Variants in ELAVL1 observed in about 807,000 individuals in gnomAD.
The protein encoded by ELAVL1 is ELAV-like protein 1.
Under a neutral mutation model 28.4 loss-of-function variants are expected in ELAVL1, and 1 was observed. The ratio of observed to expected loss-of-function variants is 0.04; its 90% CI spans 0.01 to 0.17. The LOEUF is 0.17. Ranked by LOEUF, ELAVL1 falls within the 10% of genes least tolerant of loss-of-function variation. The probability of loss-of-function intolerance (pLI) is 1.00; values close to 1 mark genes in which losing one functional copy is unlikely to be tolerated. For missense variants in ELAVL1, 157 were observed against 447.2 expected (o/e 0.35, Z 5.85); for synonymous variants, 174 against 183.5 (o/e 0.95, Z 0.42).
At chr19:7,971,845 A>G (rs1985121198) in intron 4 of ELAVL1, among the ~76,000 whole-genome samples, 1 of 152,170 alleles carries the variant, frequency 6.6e-6, no homozygotes, top group Non-Finnish European at 1.5e-5. Flanking sequence ...GGAAAGGAGG[A>G]GGAAGAGAGA....
In ELAVL1 at chr19:7,958,730, C is replaced by G. The variant is rs1010015610; in HGVS notation, c.*4753G>C. 6.6e-6 allele frequency: 1 copy of G among 152,468 alleles called. No homozygotes were observed. Among genetic ancestry groups the G allele is most frequent in the African/African-American group, 2.4e-5 (1 of 41,454 alleles). 9.4% of individuals were successfully genotyped at this position (152,468 alleles called of 1,614,324 possible). A position where few individuals can be genotyped will look rare whatever the true frequency, so the allele number is the denominator to read the frequency against. On this transcript the variant is annotated 3_prime_UTR_variant, in exon 6 of 6. Transcript: ENST00000407627. ...AAGCCACGCCCCAAACCGCATCACT[C>G]CGTACTTCAAAAATACGATTTTTTG...
intron 2 of ELAVL1, among the ~76,000 whole-genome samples, chr19:7,990,803 G>A (rs762685807): frequency 6.6e-6 from 1 of 152,182 alleles, no homozygotes; most frequent in Non-Finnish European, 1.5e-5. Flanking sequence ...GGGGTGGGTA[G>A]AGGGAAGAGG....
At chr19:7,970,560 C>T (rs1024967536) in intron 4 of ELAVL1, among the ~76,000 whole-genome samples, 3 of 152,158 alleles carry the variant, frequency 2.0e-5, no homozygotes, top group African/African-American at 4.8e-5. Flanking sequence ...GGATTACAGG[C>T]GTGAGCCACG....
At chr19:7,984,263 C>A (rs1292714377) in intron 2 of ELAVL1, among the ~76,000 whole-genome samples, 2 of 152,150 alleles carry the variant, frequency 1.3e-5, no homozygotes, top group African/African-American at 2.4e-5. Context: ...ACGGTCGCTG[C>A]CATCATGAAA....
At position 7,986,573 on chromosome 19, in the gene ELAVL1, C is replaced by T. The variant is rs74176262; in HGVS notation, c.172+5071G>A. Among the ~76,000 whole-genome samples the T allele has an allele frequency of 7.6e-3, 1,158 of 152,268 alleles. 9 individuals carry two copies. The highest frequency in any genetic ancestry group is 0.011 in the Non-Finnish European group (743 of 68,024). ...GGTGAACTAAGCGTCCCCTAGAGAG[C>T]GAGTTAGCGACAGGGACCAAGAGCC... On this transcript the variant is annotated intron_variant, in intron 2 of 5. Coordinates refer to ENST00000407627, the MANE Select transcript of ELAVL1 (RefSeq NM_001419.3).
intron 3 of ELAVL1, among the ~76,000 whole-genome samples, chr19:7,978,048 C>T (rs982519547): frequency 6.6e-6 from 1 of 152,240 alleles, no homozygotes; most frequent in Non-Finnish European, 1.5e-5. Context: ...ATTATAGGCT[C>T]CTAAGCCCAC....
chr19:7,996,785 A>AC (rs1568317223), intron 1 of ELAVL1, among the ~76,000 whole-genome samples: 1 of 151,954 alleles, frequency 6.6e-6, no homozygotes. Context: ...TGTACTCCAA[A>AC]CTGGGCGATA....
chr19:7,988,059 G>C (rs1985652360), intron 2 of ELAVL1, among the ~76,000 whole-genome samples: 1 of 152,190 alleles, frequency 6.6e-6, no homozygotes, highest in Non-Finnish European at 1.5e-5. Flanking sequence ...CAGGCCACCA[G>C]CAGTGGTGTC....
At chr19:8,005,095 G>A (rs892158916) in intron 1 of ELAVL1, among the ~76,000 whole-genome samples, 1 of 152,086 alleles carries the variant, frequency 6.6e-6, no homozygotes, top group Non-Finnish European at 1.5e-5. Context: ...GGGATTTCCC[G>A]GGGGAGCAAG....
intron 4 of ELAVL1, among the ~76,000 whole-genome samples, chr19:7,969,794 G>A (rs1036203694): frequency 1.3e-5 from 2 of 152,106 alleles, no homozygotes; most frequent in Non-Finnish European, 2.9e-5. Flanking sequence ...CTCGTCTGGG[G>A]TTGTAGAGTG....
rs1424573572 is a variant in ELAVL1, at chr19:7,982,384, C to CG, written c.173-1199dup. Among the ~76,000 whole-genome samples the CG allele has an allele frequency of 6.6e-6, 1 of 152,152 alleles. No homozygotes were observed. The highest frequency in any genetic ancestry group is 1.5e-5 in the Non-Finnish European group (1 of 68,030). On this transcript the variant is annotated intron_variant, in intron 2 of 5. Coordinates refer to ENST00000407627, the MANE Select transcript of ELAVL1 (RefSeq NM_001419.3). The surrounding 1 kb of genome is among the most constrained non-coding windows in gnomAD (Gnocchi z 4.3). ...CAGAGCGCGACAACGAGCAGGTCAC[C>CG]GAACAGGAGGTGGCCTGGAGCCCCA...
rs1985497943 is a variant in ELAVL1, at chr19:7,982,817, T to C, written c.173-1631A>G. On this transcript the variant is annotated intron_variant, in intron 2 of 5. Coordinates refer to ENST00000407627, the MANE Select transcript of ELAVL1 (RefSeq NM_001419.3). This position sits in a 1 kb window ranked among gnomAD's most constrained non-coding sequence, Gnocchi z 4.3. Reference sequence around the variant, plus strand: ...ATGACAGTTTCTTGTTTCTCGTGACTGTGACGGTTTTGAGGACTGGTCGGA... The same window carrying C: ...ATGACAGTTTCTTGTTTCTCGTGACCGTGACGGTTTTGAGGACTGGTCGGA... Among the ~76,000 whole-genome samples, 1 of 152,236 alleles carries C rather than the reference T, an allele frequency of 6.6e-6. No homozygotes were observed.
intron 1 of ELAVL1, among the ~76,000 whole-genome samples, chr19:7,999,748 A>G (rs569882897): frequency 2.7e-4 from 41 of 151,974 alleles, no homozygotes; most frequent in Non-Finnish European, 5.1e-4. Context: ...ACGTAGTCCT[A>G]CTAAGTCCTC....
chr19:7,975,146 C>T (rs1416280780), intron 3 of ELAVL1, among the ~76,000 whole-genome samples: 2 of 152,190 alleles, frequency 1.3e-5, no homozygotes, highest in Non-Finnish European at 2.9e-5. Flanking sequence ...TGATGTGGGT[C>T]AGGGGCTGCC....
intron 2 of ELAVL1, among the ~76,000 whole-genome samples, chr19:7,990,533 A>T (rs1054898669): frequency 6.7e-6 from 1 of 149,142 alleles, no homozygotes; most frequent in Admixed American, 6.7e-5. Flanking sequence ...CGCCCAGCTA[A>T]GTTTTTGTAT....
At chr19:7,972,654 T>A (rs1473415367) in intron 4 of ELAVL1, among the ~76,000 whole-genome samples, 1 of 151,696 alleles carries the variant, frequency 6.6e-6, no homozygotes, top group Non-Finnish European at 1.5e-5. Flanking sequence ...AGAAACAGGG[T>A]CTTGCTCTGT....
intron 1 of ELAVL1, among the ~76,000 whole-genome samples, chr19:8,000,487 G>C (rs549396960): frequency 6.6e-6 from 1 of 152,312 alleles, no homozygotes; most frequent in African/African-American, 2.4e-5. Flanking sequence ...ACTTGAGCCA[G>C]AGCAAAACTA....
intron 1 of ELAVL1, among the ~76,000 whole-genome samples, chr19:8,002,986 G>C (rs997259929): frequency 1.3e-5 from 2 of 152,196 alleles, no homozygotes; most frequent in Admixed American, 1.3e-4. Context: ...TTACAGAACA[G>C]AACTCCTGCT....
chr19:7,977,743 A>G (rs975055282), intron 3 of ELAVL1, among the ~76,000 whole-genome samples: 6 of 152,260 alleles, frequency 3.9e-5, no homozygotes, highest in Non-Finnish European at 7.3e-5. Context: ...GGGTGAAGGC[A>G]AGGCACGTCT....
Sources: allele counts gnomAD v4.1 joint callset (sites outside exome capture counted in the v4.1 genomes callset), GRCh38; gene constraint gnomAD v4.1.1; non-coding constraint Gnocchi (gnomAD v3.1); transcripts MANE v1.5; gene names NCBI Gene and HGNC (gene_info 2026-07-23, HGNC 2026-07-21).